The following PRKCE variants were observed in gnomAD, a reference collection of about 807,000 sequenced individuals.
PRKCE encodes protein kinase C epsilon type.
A neutral mutation model predicts 85.4 loss-of-function variants in PRKCE; 16 were observed. The ratio of observed to expected loss-of-function variants is 0.19; its 90% confidence interval spans 0.13 to 0.28. The LOEUF is 0.28. PRKCE is among the 10% of genes least tolerant of loss of function. The probability of loss-of-function intolerance (pLI) is 1.00; values close to 1 mark genes in which losing one functional copy is unlikely to be tolerated. For missense variants in PRKCE, 573 were observed against 975.2 expected (o/e 0.59, Z 5.49); for synonymous variants, 388 against 371.5 (o/e 1.04, Z -0.51).
In PRKCE at chr2:45,984,542, T is replaced by A. The variant is rs1387926954; in HGVS notation, c.694-9T>A. On this transcript the variant is annotated splice_polypyrimidine_tract_variant and intron_variant, in intron 5 of 14. Coordinates refer to ENST00000306156, the MANE Select transcript of PRKCE (RefSeq NM_005400.3). ...TCGGTGGTGAACCTGTATCTTGCCATCCCTGCAGGTGGGCTCCCAGCGGTT... is the reference window on the plus strand; with the variant it reads ...TCGGTGGTGAACCTGTATCTTGCCAACCCTGCAGGTGGGCTCCCAGCGGTT... The A allele has an allele frequency of 6.3e-7, 1 of 1,599,076 alleles. No homozygotes were observed. Among genetic ancestry groups the A allele is most frequent in the Non-Finnish European group, 8.5e-7 (1 of 1,179,620 alleles).
chr2:46,057,212 A>G (rs1574352464), intron 10 of PRKCE, among the ~76,000 whole-genome samples: 2 of 152,322 alleles, frequency 1.3e-5, no homozygotes, highest in African/African-American at 4.8e-5. Flanking sequence ...CACTGTCTTC[A>G]TGACGTACTC....
At chr2:45,869,790 G>A (rs184255317) in intron 2 of PRKCE, among the ~76,000 whole-genome samples, 3 of 135,790 alleles carry the variant, frequency 2.2e-5, no homozygotes, top group Non-Finnish European at 3.1e-5. Flanking sequence ...TCACTGCAAC[G>A]TCCACCTCCT....
intron 10 of PRKCE, among the ~76,000 whole-genome samples, chr2:46,039,262 A>G (rs1045446423): frequency 6.6e-6 from 1 of 152,172 alleles, no homozygotes; most frequent in African/African-American, 2.4e-5. Flanking sequence ...CAGGTTTACC[A>G]TCTCTTGCTC....
chr2:45,868,739 C>T (rs1159484421), intron 2 of PRKCE, among the ~76,000 whole-genome samples: 2 of 149,230 alleles, frequency 1.3e-5, no homozygotes, highest in Non-Finnish European at 3.0e-5. Flanking sequence ...GAGTTCAAGA[C>T]CAGCCTGGCC....
rs1705309720 is a variant in PRKCE, at chr2:46,007,531, C to T, written c.1133C>T (p.Ala378Val). ...GACAACCGAGGAGAGGAGCACCGGGCAGCATCGTCTCCTGATGGCCAGCTG... is the reference window on the plus strand; with the variant it reads ...GACAACCGAGGAGAGGAGCACCGGGTAGCATCGTCTCCTGATGGCCAGCTG... ...SFDNRGEEHR[A>V]ASSPDGQLMS... Residue 378 changes from alanine to valine, a missense_variant, in exon 9 of 15, where the codon GCA becomes GTA. By Grantham distance (64) the Ala-to-Val change is moderately conservative. Transcript: ENST00000306156. The T allele has an allele frequency of 3.1e-6, 5 of 1,599,672 alleles. No individual in the cohort carries two copies. Among genetic ancestry groups the T allele is most frequent in the Non-Finnish European group, 4.2e-6 (5 of 1,179,970 alleles).
In PRKCE at chr2:46,159,388, G is replaced by T. The variant is rs190671802; in HGVS notation, c.1921-218G>T. On this transcript the variant is annotated intron_variant, in intron 13 of 14. Coordinates refer to ENST00000306156, the MANE Select transcript of PRKCE (RefSeq NM_005400.3). The surrounding 1 kb of genome is among the most constrained non-coding windows in gnomAD (Gnocchi z 4.1). The stretch of plus-strand genomic sequence containing the variant: ...ACCTCGTAGGGCATTAGGATGAAAT[G>T]AGTTGATACATGTACCATGTCTAGA... Among the ~76,000 whole-genome samples, 2 of 152,344 alleles carry T rather than the reference G, an allele frequency of 1.3e-5. No individual in the cohort carries two copies. The highest frequency in any genetic ancestry group is 3.9e-4 in the East Asian group (2 of 5,184).
intron 10 of PRKCE, among the ~76,000 whole-genome samples, chr2:46,071,895 A>G (rs890428529): frequency 1.8e-4 from 27 of 152,116 alleles, no homozygotes; most frequent in African/African-American, 5.3e-4. Context: ...CTTTTGTTCC[A>G]CTCCTACAGC....
intron 2 of PRKCE, among the ~76,000 whole-genome samples, chr2:45,925,149 G>T (rs1429953863): frequency 5.9e-5 from 9 of 152,162 alleles, no homozygotes; most frequent in South Asian, 2.1e-4. Context: ...CAGGACATGA[G>T]AACTGTTCTT....
intron 1 of PRKCE, among the ~76,000 whole-genome samples, chr2:45,743,994 G>GT (rs35173223): frequency 0.26 from 33,948 of 131,526 alleles, 4,485 homozygotes; most frequent in Admixed American, 0.34. Context: ...GCCGTTGTGT[G>GT]TTTTTTTTTT....
chr2:46,005,275 A>G (rs1214900256), intron 8 of PRKCE, among the ~76,000 whole-genome samples: 1 of 152,226 alleles, frequency 6.6e-6, no homozygotes, highest in Non-Finnish European at 1.5e-5. Context: ...TTGCACAATA[A>G]TAATTCTGCA....
At chr2:46,108,933 C>T (rs1367003586) in intron 11 of PRKCE, among the ~76,000 whole-genome samples, 2 of 150,076 alleles carry the variant, frequency 1.3e-5, no homozygotes, top group Non-Finnish European at 3.0e-5. Flanking sequence ...TCCAGTTGTT[C>T]AAGCACCATT....
At position 45,991,570 on chromosome 2, in the gene PRKCE, A is replaced by G. The variant is rs72804734; in HGVS notation, c.823+6890A>G. On this transcript the variant is annotated intron_variant, in intron 6 of 14. Transcript: ENST00000306156. ...AGTCCACATTGTGGATGTTCCGTAG[A>G]TTGTTTAAAATGTTGCCCTCTTGAT... Among the ~76,000 whole-genome samples the G allele has an allele frequency of 6.3e-3, 957 of 152,298 alleles. 2 individuals carry two copies. The highest frequency in any genetic ancestry group is 0.01 in the Non-Finnish European group (696 of 68,024).
intron 10 of PRKCE, among the ~76,000 whole-genome samples, chr2:46,084,738 A>G (rs1037495569): frequency 6.6e-6 from 1 of 151,312 alleles, no homozygotes; most frequent in Admixed American, 6.6e-5. Flanking sequence ...AAAAAAAAAA[A>G]AAGAATGTGC....
intron 1 of PRKCE, among the ~76,000 whole-genome samples, chr2:45,724,040 C>T (rs1177071821): frequency 6.6e-6 from 1 of 152,328 alleles, no homozygotes; most frequent in East Asian, 1.9e-4. Context: ...TGGCTTCAGA[C>T]TCTGGGCAGT....
chr2:46,176,841 T>C (rs1679476800), intron 14 of PRKCE, among the ~76,000 whole-genome samples: 1 of 152,116 alleles, frequency 6.6e-6, no homozygotes, highest in South Asian at 2.1e-4. Context: ...AACAGAGAGA[T>C]AGGAGGCATG....
chr2:46,184,763 A>G lies in PRKCE; in HGVS notation c.2096A>G (p.Asp699Gly). The change falls in exon 15 of 15, where the codon GAC (aspartate) becomes GGC (glycine). Residue 699 changes from aspartate (D) to glycine (G), a missense_variant. Coordinates refer to ENST00000306156, the MANE Select transcript of PRKCE (RefSeq NM_005400.3). This position sits in a 1 kb window ranked among gnomAD's most constrained non-coding sequence, Gnocchi z 5.0. Reference protein sequence around the residue: ...IKTKRDVNNFDQDFTREEPVL... With the variant: ...IKTKRDVNNFGQDFTREEPVL... ...ACCAAAAGAGACGTCAATAATTTTGACCAAGACTTTACCCGGGAAGAGCCG... is the reference window on the plus strand; with the variant it reads ...ACCAAAAGAGACGTCAATAATTTTGGCCAAGACTTTACCCGGGAAGAGCCG... 6.3e-7 allele frequency: 1 copy of G among 1,599,746 alleles called. No individual in the cohort carries two copies. The highest frequency in any genetic ancestry group is 8.5e-7 in the Non-Finnish European group (1 of 1,179,946).
intron 10 of PRKCE, among the ~76,000 whole-genome samples, chr2:46,033,766 G>A (rs998400131): frequency 4.6e-5 from 7 of 152,182 alleles, no homozygotes; most frequent in African/African-American, 7.2e-5. Context: ...ATCAGATGCC[G>A]GGCTGCTGGA....
chr2:46,164,370 G>T (rs1049990528), intron 14 of PRKCE, among the ~76,000 whole-genome samples: 1 of 152,222 alleles, frequency 6.6e-6, no homozygotes, highest in Admixed American at 6.5e-5. Context: ...AAGGAAGGCA[G>T]CTGTACAAGT....
At chr2:45,712,520 A>G (rs1363313326) in intron 1 of PRKCE, among the ~76,000 whole-genome samples, 5 of 152,092 alleles carry the variant, frequency 3.3e-5, no homozygotes, top group South Asian at 4.1e-4. Context: ...CCCTGATGGG[A>G]AGCCTGTACT....
Sources: allele counts gnomAD v4.1 joint callset (sites outside exome capture counted in the v4.1 genomes callset), GRCh38; gene constraint gnomAD v4.1.1; non-coding constraint Gnocchi (gnomAD v3.1); transcripts MANE v1.5; gene names NCBI Gene and HGNC (gene_info 2026-07-23, HGNC 2026-07-21).